Variants in NKAIN2 observed in about 807,000 individuals in gnomAD.
NKAIN2 encodes the protein sodium/potassium-transporting ATPase subunit beta-1-interacting protein 2.
In NKAIN2, 14 loss-of-function variants were observed where a neutral mutation model predicts 32.6. The ratio of observed to expected loss-of-function variants is 0.43; its 90% CI spans 0.28 to 0.67. NKAIN2 has a LOEUF of 0.67. NKAIN2 is among the 30% of genes least tolerant of loss of function. The pLI is 0.17. For synonymous variants in NKAIN2, 80 were observed against 87.2 expected, an observed-to-expected ratio of 0.92 and a Z score of 0.46; for missense variants, 198 against 258.3, an observed-to-expected ratio of 0.77 and a Z score of 1.60.
chr6:124,559,239 G>A (rs4478426), intron 3 of NKAIN2, among the ~76,000 whole-genome samples: 85,258 of 151,964 alleles, frequency 0.56, 24,155 homozygotes, highest in East Asian at 0.63. Flanking sequence ...CTGCCTTCAT[G>A]GATAATATAT....
chr6:124,641,675 A>G (rs2114358247), intron 3 of NKAIN2, among the ~76,000 whole-genome samples: 1 of 150,250 alleles, frequency 6.7e-6, no homozygotes, highest in East Asian at 2.0e-4. Context: ...CTTCAGCCTC[A>G]TGAGTAGCTG....
chr6:124,183,055 C>A (rs1430013713), intron 1 of NKAIN2, among the ~76,000 whole-genome samples: 1 of 152,012 alleles, frequency 6.6e-6, no homozygotes, highest in Non-Finnish European at 1.5e-5. Flanking sequence ...GCTACTTATC[C>A]ATGAGCTTTA....
chr6:124,668,954 A>G (rs903139539), intron 4 of NKAIN2, among the ~76,000 whole-genome samples: 2 of 152,250 alleles, frequency 1.3e-5, no homozygotes, highest in East Asian at 1.9e-4. Context: ...TGGTACTCAC[A>G]TGTTCTTTGG....
chr6:123,885,382 C>G (rs539235263), intron 1 of NKAIN2, among the ~76,000 whole-genome samples: 26 of 152,038 alleles, frequency 1.7e-4, no homozygotes, highest in Non-Finnish European at 3.8e-4. Flanking sequence ...GATAGCTCCT[C>G]TACAATAACT....
chr6:124,608,200 G>T (rs923321424), intron 3 of NKAIN2, among the ~76,000 whole-genome samples: 3 of 152,044 alleles, frequency 2.0e-5, no homozygotes, highest in Non-Finnish European at 4.4e-5. Context: ...CTTTACCATT[G>T]TCTCTTACCC....
intron 4 of NKAIN2, among the ~76,000 whole-genome samples, chr6:124,725,602 G>C (rs972677736): frequency 6.6e-6 from 1 of 152,114 alleles, no homozygotes; most frequent in Non-Finnish European, 1.5e-5. Context: ...TAAAGCAAGA[G>C]TCTTCCAAAT....
chr6:124,739,274 T>C (rs1426987550), intron 4 of NKAIN2, among the ~76,000 whole-genome samples: 3 of 151,880 alleles, frequency 2.0e-5, no homozygotes, highest in East Asian at 1.9e-4. Flanking sequence ...TCATAGACCA[T>C]TGAAAAATGT....
At chr6:124,670,604 T>A (rs985349741) in intron 4 of NKAIN2, among the ~76,000 whole-genome samples, 3 of 151,524 alleles carry the variant, frequency 2.0e-5, no homozygotes, top group African/African-American at 7.3e-5. Flanking sequence ...CACAATTAAA[T>A]ATATCTGCAA....
chr6:124,430,000 AG>A (rs1362332973), intron 3 of NKAIN2, among the ~76,000 whole-genome samples: 1 of 111,774 alleles, frequency 8.9e-6, no homozygotes, highest in Non-Finnish European at 2.3e-5. Context: ...AAAAAAGTCA[AG>A]GGGAAAAATA....
intron 1 of NKAIN2, among the ~76,000 whole-genome samples, chr6:124,037,195 A>G (rs1372850140): frequency 2.6e-5 from 4 of 152,158 alleles, no homozygotes; most frequent in Admixed American, 1.3e-4. Flanking sequence ...AGAGTCACAC[A>G]GAAATTAATG....
intron 1 of NKAIN2, among the ~76,000 whole-genome samples, chr6:124,258,142 TA>T (rs34430558): frequency 0.38 from 54,343 of 144,662 alleles, 12,205 homozygotes; most frequent in African/African-American, 0.64. Flanking sequence ...TTTTCAAGAT[TA>T]AAAAAAAAAA....
intron 3 of NKAIN2, among the ~76,000 whole-genome samples, chr6:124,623,648 G>A (rs189977853): frequency 4.9e-4 from 75 of 152,272 alleles, no homozygotes; most frequent in Non-Finnish European, 9.1e-4. Context: ...ACATAGCTTG[G>A]TTCATGCTCT....
chr6:124,699,185 A>G (rs1417838486), intron 4 of NKAIN2, among the ~76,000 whole-genome samples: 1 of 152,168 alleles, frequency 6.6e-6, no homozygotes, highest in Non-Finnish European at 1.5e-5. Context: ...ACTCAGTCAC[A>G]TGATGTCTGG....
intron 1 of NKAIN2, among the ~76,000 whole-genome samples, chr6:123,814,827 G>A (rs1562195981): frequency 6.6e-6 from 1 of 152,122 alleles, no homozygotes; most frequent in Non-Finnish European, 1.5e-5. Context: ...AATGGATGAA[G>A]AGCCAGACGT....
chr6:124,638,742 A>G (rs572111688), intron 3 of NKAIN2, among the ~76,000 whole-genome samples: 153 of 151,954 alleles, frequency 1.0e-3, no homozygotes, highest in African/African-American at 3.4e-3. Flanking sequence ...AAAAATACAA[A>G]AAGCCAGACG....
intron 2 of NKAIN2, among the ~76,000 whole-genome samples, chr6:124,333,517 G>A (rs1797748181): frequency 6.6e-6 from 1 of 151,996 alleles, no homozygotes; most frequent in Non-Finnish European, 1.5e-5. Flanking sequence ...AAAATTAGCT[G>A]GGCGTGGTGG....
intron 1 of NKAIN2, among the ~76,000 whole-genome samples, chr6:124,275,592 C>T (rs1794993573): frequency 6.6e-6 from 1 of 152,042 alleles, no homozygotes; most frequent in Non-Finnish European, 1.5e-5. Context: ...TACCATAGTA[C>T]CACAACAGAT....
intron 1 of NKAIN2, among the ~76,000 whole-genome samples, chr6:124,110,373 T>C (rs548005435): frequency 2.4e-4 from 36 of 152,246 alleles, no homozygotes; most frequent in Admixed American, 4.6e-4. Context: ...AAATGGTTTC[T>C]GCTGCTTTTT....
At chr6:124,078,863 T>C (rs1783823473) in intron 1 of NKAIN2, among the ~76,000 whole-genome samples, 1 of 151,930 alleles carries the variant, frequency 6.6e-6, no homozygotes, top group Non-Finnish European at 1.5e-5. Flanking sequence ...AGATTTTGTT[T>C]ATTTTTAAAT....
Sources: allele counts gnomAD v4.1 joint callset (sites outside exome capture counted in the v4.1 genomes callset), GRCh38; gene constraint gnomAD v4.1.1; transcripts MANE v1.5; gene names NCBI Gene and HGNC (gene_info 2026-07-23, HGNC 2026-07-21).